Variants in ZNF114 observed in about 807,000 individuals in gnomAD.
The protein encoded by ZNF114 is zinc finger protein 114, also known as zinc finger protein 114 (Y18).
ZNF114 carries 8 observed loss-of-function variants against 6.8 expected under a neutral mutation model. The observed-to-expected ratio is 1.18, with a 90% CI of 0.69 to 2.13. The LOEUF is 2.13. ZNF114 is among the 30% of genes most tolerant of loss of function. ZNF114 has a pLI of 0.00. For missense variants in ZNF114, 472 were observed against 519.5 expected (o/e 0.91, Z 0.89); for synonymous variants, 169 against 185.5 (o/e 0.91, Z 0.72).
rs113003182 is a variant in ZNF114, at chr19:48,281,987, C to T, written c.10-384C>T. On this transcript the variant is annotated intron_variant, in intron 4 of 5. Transcript: ENST00000595607. The stretch of plus-strand genomic sequence containing the variant: ...TCTCGGCTCACTGCAACCTCCACCT[C>T]CCAGGTTCAAGCAGTTCTCTGCCTC... Among the ~76,000 whole-genome samples, 964 of 146,116 alleles carry T rather than the reference C, an allele frequency of 6.6e-3. 12 individuals are homozygous for T. The highest frequency in any genetic ancestry group is 0.023 in the African/African-American group (903 of 39,482).
chr19:48,272,897 G>C (rs899902744), intron 3 of ZNF114, among the ~76,000 whole-genome samples: 14 of 144,114 alleles, frequency 9.7e-5, no homozygotes, highest in Non-Finnish European at 1.9e-4. Flanking sequence ...CCGGGTTCAC[G>C]CCATTCTCCT....
rs568879375 is a variant in ZNF114 at position 48,277,555 on chromosome 19, G to A, written c.-69-2176G>A. Among the ~76,000 whole-genome samples the A allele has an allele frequency of 6.6e-5, 10 of 152,158 alleles. No homozygotes were observed. The East Asian group carries it at 1.4e-3, about 21-fold the overall frequency. On this transcript the variant is annotated intron_variant, in intron 3 of 5. Transcript: ENST00000595607. The stretch of plus-strand genomic sequence containing the variant: ...CGCAGGTATTTTTAGTGTTCAGTGT[G>A]TTTCCATCAATTGCAATGATTCACT...
At chr19:48,278,227 C>T (rs907337291) in intron 3 of ZNF114, among the ~76,000 whole-genome samples, 4 of 152,178 alleles carry the variant, frequency 2.6e-5, no homozygotes, top group East Asian at 1.9e-4. Flanking sequence ...TGAGCCAACG[C>T]GCCCGGCCCA....
chr19:48,279,618 G>T, intron 3 of ZNF114, 113 bp from the exon 4 acceptor site: 1 of 686,752 alleles, frequency 1.5e-6, no homozygotes, highest in Non-Finnish European at 2.5e-6. Context: ...CTGTGGTGGG[G>T]AAGTGTGTGC....
At chr19:48,281,365 T>C (rs35822859) in intron 4 of ZNF114, among the ~76,000 whole-genome samples, 6,143 of 152,176 alleles carry the variant, frequency 0.04, 228 homozygotes, top group Middle Eastern at 0.14. Context: ...ATTTGTTCCA[T>C]GCTCTTACCT....
chr19:48,270,235 TAA>T lies in ZNF114; in HGVS notation c.-377+29_-377+30del, dbSNP rs879724110. The T allele has an allele frequency of 1.4e-5, 2 of 138,674 alleles. No homozygotes were observed. Among genetic ancestry groups the T allele is most frequent in the Non-Finnish European group, 3.1e-5 (2 of 63,698 alleles). The allele number at this position is 138,674 out of a possible 1,614,324, so 8.6% of individuals were successfully genotyped here. A position where few individuals can be genotyped will look rare whatever the true frequency, so the allele number is the denominator to read the frequency against. On this transcript the variant is annotated intron_variant, in intron 1 of 5. Coordinates refer to ENST00000595607, the MANE Select transcript of ZNF114 (RefSeq NM_153608.4). ...GGGCAGCATAGTGAGTTTTCATCTC[TAA>T]AAAAAAAAAAAATTAAAATTAGCCA... is the stretch of plus-strand genomic sequence containing the variant.
chr19:48,278,924 C>A (rs988642207), intron 3 of ZNF114, among the ~76,000 whole-genome samples: 1 of 151,216 alleles, frequency 6.6e-6, no homozygotes, highest in African/African-American at 2.5e-5. Context: ...GCCTGGGCAA[C>A]AGAGTGAGAC....
intron 5 of ZNF114, among the ~76,000 whole-genome samples, chr19:48,283,548 T>A (rs1968045681): frequency 6.6e-6 from 1 of 151,964 alleles, no homozygotes; most frequent in Non-Finnish European, 1.5e-5. Context: ...CAGTACCAGG[T>A]AGATGTGAAC....
In ZNF114 at chr19:48,285,934, A is replaced by T; in HGVS notation, c.310A>T (p.Asn104Tyr). 1 of 1,614,130 alleles carries T rather than the reference A, an allele frequency of 6.2e-7. No homozygotes were observed. Among genetic ancestry groups the T allele is most frequent in the Non-Finnish European group, 8.5e-7 (1 of 1,180,026 alleles). ...AGAGGAACCACACAGGCAGGGGGTG[A>T]ATAATGTGAAGCCACCTGCAGTTGC... ...KTEEPHRQGV[N>Y]NVKPPAVAPE... The change falls in exon 6 of 6, where the codon AAT becomes TAT. Residue 104 changes from asparagine to tyrosine, a missense_variant. Transcript: ENST00000595607.
At chr19:48,285,181 T>C (rs977053934) in intron 5 of ZNF114, among the ~76,000 whole-genome samples, 6 of 152,282 alleles carry the variant, frequency 3.9e-5, no homozygotes, top group African/African-American at 1.4e-4. Flanking sequence ...TTATCATACA[T>C]GTTGAGTGAA....
intron 3 of ZNF114, among the ~76,000 whole-genome samples, chr19:48,274,214 T>C (rs1221765228): frequency 6.6e-6 from 1 of 151,426 alleles, no homozygotes; most frequent in Non-Finnish European, 1.5e-5. Context: ...TTATTAATGG[T>C]TTAGAAAAGT....
chr19:48,282,561 C>T (rs1968019885), intron 5 of ZNF114, 64 bp downstream of exon 5: 1 of 1,529,688 alleles, frequency 6.5e-7, no homozygotes, highest in African/African-American at 1.4e-5. Flanking sequence ...GAACCGTGTT[C>T]TGGGAAGTGC....
At chr19:48,281,152 A>T (rs1568993051) in intron 4 of ZNF114, among the ~76,000 whole-genome samples, 1 of 152,012 alleles carries the variant, frequency 6.6e-6, no homozygotes, top group Non-Finnish European at 1.5e-5. Flanking sequence ...CAGAAGAAAG[A>T]GCACCTGAGT....
At chr19:48,270,630 AAAG>A (rs1967629323) in intron 1 of ZNF114, among the ~76,000 whole-genome samples, 1 of 146,996 alleles carries the variant, frequency 6.8e-6, no homozygotes, top group African/African-American at 2.5e-5. Flanking sequence ...GGGAGGGAGA[AAAG>A]GAGGAAGGGA....
chr19:48,276,320 C>T (rs562762947), intron 3 of ZNF114, among the ~76,000 whole-genome samples: 1 of 152,014 alleles, frequency 6.6e-6, no homozygotes, highest in East Asian at 2.0e-4. Flanking sequence ...CTCAGGTGAT[C>T]TGCCTGCCTC....
At chr19:48,283,829 G>A (rs916036765) in intron 5 of ZNF114, among the ~76,000 whole-genome samples, 3 of 152,018 alleles carry the variant, frequency 2.0e-5, no homozygotes, top group African/African-American at 4.8e-5. Context: ...CACCTCCCGG[G>A]TTCAAGCAAT....
At position 48,282,357 on chromosome 19, in the gene ZNF114, A is replaced by C. The variant is rs1460496505; in HGVS notation, c.10-14A>C. On this transcript the variant is annotated splice_polypyrimidine_tract_variant and intron_variant, in intron 4 of 5. Transcript: ENST00000595607. The stretch of plus-strand genomic sequence containing the variant: ...AGGACACCCCTCCGAGCCAAACTGC[A>C]TGTGTTATTTTAGGACTCGGTGACC... The C allele has an allele frequency of 1.9e-6, 3 of 1,611,554 alleles. No homozygotes were observed. Among genetic ancestry groups the C allele is most frequent in the East Asian group, 2.2e-5 (1 of 44,626 alleles).
chr19:48,276,148 C>T (rs1421656404), intron 3 of ZNF114, among the ~76,000 whole-genome samples: 1 of 137,674 alleles, frequency 7.3e-6, no homozygotes, highest in Non-Finnish European at 1.5e-5. Context: ...GGTGCAATCT[C>T]GGCTCACCGC....
intron 3 of ZNF114, among the ~76,000 whole-genome samples, chr19:48,272,690 A>AAAAAAAAAG (rs1967700164): frequency 7.0e-6 from 1 of 143,604 alleles, no homozygotes; most frequent in Non-Finnish European, 1.5e-5. Context: ...AAAAAAAAAA[A>AAAAAAAAAG]AAAAAAAAGT....
Sources: allele counts gnomAD v4.1 joint callset (sites outside exome capture counted in the v4.1 genomes callset), GRCh38; gene constraint gnomAD v4.1.1; transcripts MANE v1.5; gene names NCBI Gene and HGNC (gene_info 2026-07-23, HGNC 2026-07-21).